Variants in KAZN observed in about 807,000 individuals in gnomAD.
KAZN encodes kazrin.
In KAZN, 40 loss-of-function variants were observed where a neutral mutation model predicts 87.4. The observed-to-expected ratio is 0.46, with a 90% CI of 0.36 to 0.60. KAZN has a LOEUF of 0.60. Ranked by LOEUF, KAZN falls within the 20% of genes least tolerant of loss-of-function variation. KAZN has a pLI of 0.00. For synonymous variants in KAZN, 466 were observed against 458.3 expected (o/e 1.02, Z -0.22); for missense variants, 898 against 1,073.9 (o/e 0.84, Z 2.29).
chr1:15,065,034 T>C (rs1009819937), intron 7 of KAZN, among the ~76,000 whole-genome samples: 41 of 141,810 alleles, frequency 2.9e-4, no homozygotes, highest in African/African-American at 9.3e-4. Flanking sequence ...TTTCTTTTTT[T>C]TTTTTTTTTT....
chr1:15,095,045 C>T lies in KAZN; in HGVS notation c.1547+112C>T, dbSNP rs56382441. ...GTGGGCTGAACCAGGTGGTGGGGGACAGCAGGGTGTGACTAAGATGGTCCG... is the reference window on the plus strand; with the variant it reads ...GTGGGCTGAACCAGGTGGTGGGGGATAGCAGGGTGTGACTAAGATGGTCCG... On this transcript the variant is annotated intron_variant, in intron 10 of 14. Transcript: ENST00000376030. 1,248 of 732,110 alleles carry T rather than the reference C, an allele frequency of 1.7e-3. 9 individuals carry two copies. In the African/African-American group the frequency reaches 0.019, roughly 11 times the overall value. The allele number at this position is 732,110 out of a possible 1,614,324, so 45.4% of individuals were successfully genotyped here.
chr1:14,365,633 A>G (rs1290853845), intron 2 of KAZN, among the ~76,000 whole-genome samples: 1 of 152,138 alleles, frequency 6.6e-6, no homozygotes, highest in East Asian at 1.9e-4. Context: ...TGTGCATTGC[A>G]GGATGTTTAG....
intron 1 of KAZN, among the ~76,000 whole-genome samples, chr1:14,666,960 T>C (rs1639597095): frequency 6.6e-6 from 1 of 152,184 alleles, no homozygotes; most frequent in Non-Finnish European, 1.5e-5. Flanking sequence ...GCTCTCGATC[T>C]CTTGACGTCG....
chr1:14,777,132 C>G (rs1028788771), intron 1 of KAZN, among the ~76,000 whole-genome samples: 3 of 149,356 alleles, frequency 2.0e-5, no homozygotes, highest in African/African-American at 7.4e-5. Context: ...GGACTACAGG[C>G]GCCCGCCACC....
At chr1:15,012,834 A>G (rs1441383494) in intron 2 of KAZN, among the ~76,000 whole-genome samples, 6 of 152,176 alleles carry the variant, frequency 3.9e-5, no homozygotes, top group Non-Finnish European at 8.8e-5. Context: ...AGGTATGAGA[A>G]TCACTTGAAC....
chr1:13,930,174 G>C (rs544901147), intron 1 of KAZN, among the ~76,000 whole-genome samples: 1 of 152,338 alleles, frequency 6.6e-6, no homozygotes, highest in African/African-American at 2.4e-5. Context: ...CAGAAGATTT[G>C]ATGTGGCCAA....
At chr1:14,846,394 A>G (rs1419667101) in intron 1 of KAZN, among the ~76,000 whole-genome samples, 1 of 152,214 alleles carries the variant, frequency 6.6e-6, no homozygotes, top group Non-Finnish European at 1.5e-5. Flanking sequence ...GAACAAAAAA[A>G]GGAAGGGAAC....
intron 2 of KAZN, among the ~76,000 whole-genome samples, chr1:14,557,509 TAAAC>T (rs1241071792): frequency 5.3e-5 from 8 of 151,780 alleles, no homozygotes; most frequent in African/African-American, 1.9e-4. Context: ...TTGTAATAAA[TAAAC>T]AAATAATCGA....
At chr1:14,164,534 CTTTT>C (rs1168650321) in intron 1 of KAZN, among the ~76,000 whole-genome samples, 1 of 93,760 alleles carries the variant, frequency 1.1e-5, no homozygotes, top group Non-Finnish European at 2.1e-5. Flanking sequence ...TGAGTTTCCT[CTTTT>C]TTTTTTTTTT....
chr1:14,928,226 G>A (rs1220179889), intron 1 of KAZN, among the ~76,000 whole-genome samples: 5 of 152,010 alleles, frequency 3.3e-5, no homozygotes, highest in African/African-American at 9.7e-5. Context: ...CGAGGCGGGC[G>A]GATCACGAGG....
At chr1:14,785,012 C>G (rs1302975922) in intron 1 of KAZN, among the ~76,000 whole-genome samples, 2 of 148,162 alleles carry the variant, frequency 1.3e-5, no homozygotes, top group Non-Finnish European at 3.0e-5. Context: ...GATAATGCCT[C>G]GGGGGTACTT....
chr1:13,912,816 G>A (rs540090394), intron 1 of KAZN, among the ~76,000 whole-genome samples: 59 of 147,266 alleles, frequency 4.0e-4, no homozygotes, highest in African/African-American at 1.4e-3. Flanking sequence ...GGCTGGTCTC[G>A]AACTCCTGAC....
chr1:14,652,107 T>C (rs35512690), intron 1 of KAZN, among the ~76,000 whole-genome samples: 41,284 of 152,046 alleles, frequency 0.27, 5,854 homozygotes, highest in South Asian at 0.36. Context: ...GAATGAAAAA[T>C]CAAAAACAAA....
rs869248379 is a variant in KAZN, at chr1:14,092,092, CTTTTTTT to C, written c.92-88331_92-88325del. ...TTGTAATACTTTATTATTTTCTTTT[CTTTTTTT>C]TTTTTTTTTTTGAGACAGTCTTGCT... On this transcript the variant is annotated intron_variant, in intron 1 of 16. Coordinates refer to the KAZN transcript ENST00000636203. Among the ~76,000 whole-genome samples the C allele has an allele frequency of 4.6e-5, 6 of 129,092 alleles. No homozygotes were observed. The East Asian group carries it at 8.7e-4, about 19-fold the overall frequency. 84.7% of individuals were successfully genotyped at this position (129,092 alleles called of 152,430 possible). A position where few individuals can be genotyped will look rare whatever the true frequency, so the allele number is the denominator to read the frequency against.
In KAZN at chr1:14,358,832, T is replaced by A. The variant is rs147388006; in HGVS notation, c.249+178240T>A. Among the ~76,000 whole-genome samples the A allele has an allele frequency of 5.9e-3, 900 of 152,244 alleles. 8 individuals are homozygous for A. The highest frequency in any genetic ancestry group is 0.02 in the African/African-American group (841 of 41,556). ...GTTCTTTTGCATTTACTGAGGAGTG[T>A]TTTACTTCCAATTATGTGGTCAATT... On this transcript the variant is annotated intron_variant, in intron 2 of 16. Transcript: ENST00000636203.
intron 1 of KAZN, among the ~76,000 whole-genome samples, chr1:14,958,892 C>A (rs1663501544): frequency 6.6e-6 from 1 of 152,100 alleles, no homozygotes; most frequent in Non-Finnish European, 1.5e-5. Flanking sequence ...GTGGCCAGCG[C>A]AAGGCTGGTG....
intron 4 of KAZN, among the ~76,000 whole-genome samples, chr1:15,050,471 C>T (rs143222864): frequency 2.6e-5 from 4 of 152,308 alleles, no homozygotes; most frequent in African/African-American, 9.6e-5. Context: ...CGACAGCCAC[C>T]ACAGGCCCAG....
chr1:14,992,809 A>G (rs1293947660), intron 2 of KAZN, among the ~76,000 whole-genome samples: 1 of 151,732 alleles, frequency 6.6e-6, no homozygotes, highest in Non-Finnish European at 1.5e-5. Flanking sequence ...ACGCCCAGAT[A>G]ATTTTTGTAT....
chr1:14,499,614 C>A (rs774921939), intron 2 of KAZN, among the ~76,000 whole-genome samples: 2 of 152,204 alleles, frequency 1.3e-5, no homozygotes, highest in African/African-American at 2.4e-5. Flanking sequence ...CCCAAGCAAA[C>A]CAAATCCTTT....
Sources: allele counts gnomAD v4.1 joint callset (sites outside exome capture counted in the v4.1 genomes callset), GRCh38; gene constraint gnomAD v4.1.1; transcripts MANE v1.5; gene names NCBI Gene and HGNC (gene_info 2026-07-23, HGNC 2026-07-21).